The following SORCS1 variants were observed in gnomAD, a reference collection of about 807,000 sequenced individuals.
The protein encoded by SORCS1 is sortilin related VPS10 domain containing receptor 1.
SORCS1 carries 60 observed loss-of-function variants against 146.1 expected under a neutral mutation model. That is an observed-to-expected ratio of 0.41 (90% confidence interval 0.33 to 0.51). The LOEUF (loss-of-function observed/expected upper bound fraction) is 0.51. Ranked by LOEUF, SORCS1 falls within the 20% of genes least tolerant of loss-of-function variation. The pLI, the probability that SORCS1 is intolerant of heterozygous loss-of-function variation, is 0.21. For synonymous variants in SORCS1, 637 were observed against 584.0 expected (o/e 1.09, Z -1.31); for missense variants, 1,352 against 1,487.6 (o/e 0.91, Z 1.50).
At chr10:107,086,858 T>A (rs1391281311) in intron 1 of SORCS1, among the ~76,000 whole-genome samples, 2 of 152,192 alleles carry the variant, frequency 1.3e-5, no homozygotes, top group Non-Finnish European at 2.9e-5. Flanking sequence ...TGAAACCTCG[T>A]CTCTAGTAAA....
intron 1 of SORCS1, among the ~76,000 whole-genome samples, chr10:107,059,268 C>T (rs73373831): frequency 0.064 from 9,676 of 152,126 alleles, 952 homozygotes; most frequent in African/African-American, 0.22. Flanking sequence ...GCAAATCCCA[C>T]GCACACATTA....
At chr10:106,962,980 C>G (rs77131090) in intron 1 of SORCS1, among the ~76,000 whole-genome samples, 1 of 151,796 alleles carries the variant, frequency 6.6e-6, no homozygotes. Context: ...ATTGTTTAGA[C>G]GTATTTACAG....
chr10:106,651,953 C>T (rs747669326), intron 18 of SORCS1, among the ~76,000 whole-genome samples: 54 of 152,188 alleles, frequency 3.5e-4, no homozygotes, highest in Non-Finnish European at 1.5e-4. Context: ...GTGCTATATG[C>T]ATGACCATCG....
chr10:107,138,640 T>C (rs1319741036), intron 1 of SORCS1, among the ~76,000 whole-genome samples: 1 of 152,240 alleles, frequency 6.6e-6, no homozygotes, highest in Non-Finnish European at 1.5e-5. Context: ...CTTTCAGGCT[T>C]AGAAATTATT....
intron 3 of SORCS1, among the ~76,000 whole-genome samples, chr10:106,785,390 T>C (rs966721859): frequency 6.6e-5 from 10 of 152,210 alleles, no homozygotes; most frequent in African/African-American, 2.4e-4. Flanking sequence ...AGTGGGCATA[T>C]AAGCTTTTAG....
chr10:107,180,507 T>C, the SORCS1 span, among the ~76,000 whole-genome samples: 1 of 152,262 alleles, frequency 6.6e-6, no homozygotes, highest in South Asian at 2.1e-4. Context: ...GATAACTTTG[T>C]CTTTTCTCTT....
rs3982430 is a variant in SORCS1 at position 106,878,620 on chromosome 10, G to GTATATATATATATATATATATA, written c.627-48969_627-48948dup. Among the ~76,000 whole-genome samples, 154 of 84,876 alleles carry GTATATATATATATATATATATA rather than the reference G, an allele frequency of 1.8e-3. 1 individual carries two copies. Among genetic ancestry groups the GTATATATATATATATATATATA allele is most frequent in the African/African-American group, 3.4e-3 (75 of 21,764 alleles). 55.7% of individuals were successfully genotyped at this position (84,876 alleles called of 152,430 possible). On this transcript the variant is annotated intron_variant, in intron 2 of 25. Transcript: ENST00000263054. ...AAATTTGTTTTTTATAAACTACCTAGTATATATATATATATATATATATAT... is the reference window on the plus strand; with the variant it reads ...AAATTTGTTTTTTATAAACTACCTAGTATATATATATATATATATATATATATATATATATATATATATATAT...
At chr10:106,962,774 CT>C (rs1419555007) in intron 1 of SORCS1, among the ~76,000 whole-genome samples, 2 of 152,164 alleles carry the variant, frequency 1.3e-5, no homozygotes, top group African/African-American at 2.4e-5. Context: ...CATAATTGCT[CT>C]TGCCTGGGGT....
chr10:107,178,929 G>A, the SORCS1 span, among the ~76,000 whole-genome samples: 1 of 152,046 alleles, frequency 6.6e-6, no homozygotes, highest in Non-Finnish European at 1.5e-5. Flanking sequence ...AAACATGAGG[G>A]TTCAGGTATT....
chr10:107,117,315 T>C lies in SORCS1; in HGVS notation c.558+46654A>G, dbSNP rs75660135. On this transcript the variant is annotated intron_variant, in intron 1 of 25. Coordinates refer to ENST00000263054, the MANE Select transcript of SORCS1 (RefSeq NM_052918.5). ...TTTGCAGCATGGGACCAGAGAGGTA[T>C]ATATCTGAGAACAGACATTATTCTT... Among the ~76,000 whole-genome samples, 9 of 152,314 alleles carry C rather than the reference T, an allele frequency of 5.9e-5. No individual in the cohort carries two copies. In the East Asian group the frequency reaches 1.7e-3, roughly 29 times the overall value.
At chr10:106,929,773 G>GCA (rs36086801) in intron 2 of SORCS1, among the ~76,000 whole-genome samples, 5,584 of 150,326 alleles carry the variant, frequency 0.037, 211 homozygotes, top group African/African-American at 0.097. Context: ...ATGTGCACGT[G>GCA]CACACACACA....
At chr10:106,795,090 T>C (rs1310341491) in intron 3 of SORCS1, among the ~76,000 whole-genome samples, 1 of 152,228 alleles carries the variant, frequency 6.6e-6, no homozygotes, top group Non-Finnish European at 1.5e-5. Context: ...ACACAATGAA[T>C]GTAGCATTTT....
chr10:106,855,150 G>T (rs1949734162), intron 2 of SORCS1, among the ~76,000 whole-genome samples: 1 of 152,056 alleles, frequency 6.6e-6, no homozygotes, highest in Non-Finnish European at 1.5e-5. Context: ...CAGAATTCTT[G>T]ATGTTTTCCA....
intron 2 of SORCS1, among the ~76,000 whole-genome samples, chr10:106,865,182 G>T (rs1356379411): frequency 3.9e-5 from 6 of 152,064 alleles, no homozygotes; most frequent in African/African-American, 1.4e-4. Flanking sequence ...TTTTAAGCGG[G>T]TCCCTGATCC....
intron 1 of SORCS1, among the ~76,000 whole-genome samples, chr10:107,149,682 G>C (rs565292085): frequency 2.0e-5 from 3 of 152,294 alleles, no homozygotes; most frequent in South Asian, 4.1e-4. Context: ...TTATCTCTGA[G>C]AAAATCAGAT....
At chr10:106,725,728 C>T (rs12783608) in intron 6 of SORCS1, among the ~76,000 whole-genome samples, 3 of 151,696 alleles carry the variant, frequency 2.0e-5, no homozygotes, top group South Asian at 2.1e-4. Context: ...GTCAGGAGTT[C>T]GAGAGCAGCC....
At chr10:106,722,237 A>G (rs1049156857) in intron 6 of SORCS1, among the ~76,000 whole-genome samples, 15 of 152,000 alleles carry the variant, frequency 9.9e-5, no homozygotes. Flanking sequence ...TATAAAAGTA[A>G]TCTATATTCA....
intron 1 of SORCS1, among the ~76,000 whole-genome samples, chr10:107,054,359 A>C (rs971742590): frequency 2.9e-4 from 44 of 152,176 alleles, no homozygotes; most frequent in African/African-American, 8.4e-4. Flanking sequence ...TATATGTAAT[A>C]ATTGGGAACT....
intron 23 of SORCS1, among the ~76,000 whole-genome samples, chr10:106,601,262 T>A (rs998542287): frequency 3.9e-5 from 6 of 152,244 alleles, no homozygotes; most frequent in Non-Finnish European, 5.9e-5. Flanking sequence ...TTTTTCTTTT[T>A]CTGTCTGGTG....
Sources: allele counts gnomAD v4.1 joint callset (sites outside exome capture counted in the v4.1 genomes callset), GRCh38; gene constraint gnomAD v4.1.1; transcripts MANE v1.5; gene names NCBI Gene and HGNC (gene_info 2026-07-23, HGNC 2026-07-21).